ANK2: variants seen among roughly 807,000 people sequenced by gnomAD.
ANK2 encodes the protein ankyrin 2, also known as ankyrin-2.
A neutral mutation model predicts 360.5 loss-of-function variants in ANK2; 83 were observed. The ratio of observed to expected loss-of-function variants is 0.23; its 90% CI spans 0.19 to 0.28. The LOEUF is 0.28. Ranked by LOEUF, ANK2 falls within the 10% of genes least tolerant of loss-of-function variation. The pLI is 1.00. For missense variants in ANK2, 4,201 were observed against 4,795.7 expected, an observed-to-expected ratio of 0.88 and a Z score of 3.66; for synonymous variants, 1,740 against 1,759.5, an observed-to-expected ratio of 0.99 and a Z score of 0.28.
chr4:113,024,331 C>G (rs1260773300), intron 2 of ANK2, among the ~76,000 whole-genome samples: 1 of 152,008 alleles, frequency 6.6e-6, no homozygotes, highest in Non-Finnish European at 1.5e-5. Context: ...GGTGAGATAG[C>G]CTGTTATTGA....
chr4:112,946,070 G>C lies in ANK2; in HGVS notation c.21+41556G>C, dbSNP rs78971647. On this transcript the variant is annotated intron_variant, in intron 2 of 30. Transcript: ENST00000503271. ...ATGCTCATAATCTTAGTAGAACAAA[G>C]AAGTTGTTTTTAAATTAGTGATTTT... is the stretch of plus-strand genomic sequence containing the variant. 2.2e-3 allele frequency among the ~76,000 whole-genome samples: 330 copies of C among 152,324 alleles called. 4 individuals are homozygous for C. The highest frequency in any genetic ancestry group is 6.7e-3 in the African/African-American group (280 of 41,562).
At chr4:113,291,472 T>A (rs1408702521) in intron 20 of ANK2, among the ~76,000 whole-genome samples, 2 of 152,202 alleles carry the variant, frequency 1.3e-5, no homozygotes, top group Non-Finnish European at 2.9e-5. Flanking sequence ...GACACTTAGG[T>A]AACCCTGATA....
chr4:112,998,090 T>C (rs578058444), intron 2 of ANK2, among the ~76,000 whole-genome samples: 5 of 152,186 alleles, frequency 3.3e-5, no homozygotes, highest in Admixed American at 1.3e-4. Flanking sequence ...ACTAGAATTA[T>C]AAAAAGTCCA....
At chr4:113,293,023 T>C (rs751952398) in intron 21 of ANK2, 38 of 362,958 alleles carry the variant, frequency 1.0e-4, no homozygotes, top group Non-Finnish European at 1.9e-4. Context: ...TAGCTAAATA[T>C]GTTACCGTGT....
chr4:113,024,873 T>A (rs1480164242), intron 2 of ANK2, among the ~76,000 whole-genome samples: 1 of 152,138 alleles, frequency 6.6e-6, no homozygotes, highest in Non-Finnish European at 1.5e-5. Flanking sequence ...ATCTTTCCCA[T>A]AAAAAATTTT....
At chr4:113,367,977 C>T (rs2096595396) in intron 42 of ANK2, 126 bp downstream of exon 42, 1 of 1,172,564 alleles carries the variant, frequency 8.5e-7, no homozygotes, top group Non-Finnish European at 1.2e-6. Context: ...ACACAAGTGC[C>T]AGAGCTAAAG....
the ANK2 span, among the ~76,000 whole-genome samples, chr4:112,779,645 T>C: frequency 6.6e-6 from 1 of 152,224 alleles, no homozygotes; most frequent in Non-Finnish European, 1.5e-5. Context: ...TCCTCAGATA[T>C]TATCACTGGA....
intron 1 of ANK2, among the ~76,000 whole-genome samples, chr4:113,114,972 C>T (rs1032612282): frequency 6.6e-6 from 1 of 152,128 alleles, no homozygotes; most frequent in African/African-American, 2.4e-5. Flanking sequence ...GTAAGACTTG[C>T]TTGTTGCGAA....
chr4:113,147,302 C>T (rs1338013537), intron 1 of ANK2, among the ~76,000 whole-genome samples: 2 of 152,206 alleles, frequency 1.3e-5, no homozygotes, highest in African/African-American at 4.8e-5. Context: ...TACCCACATC[C>T]ACCCAGGAGA....
chr4:112,843,348 A>C (rs2062579289), intron 1 of ANK2, among the ~76,000 whole-genome samples: 2 of 152,172 alleles, frequency 1.3e-5, no homozygotes, highest in African/African-American at 4.8e-5. Flanking sequence ...CCAAGTACCC[A>C]AAGCTCCATT....
intron 22 of ANK2, among the ~76,000 whole-genome samples, chr4:113,301,378 TAC>T (rs59844602): frequency 0.16 from 24,453 of 149,374 alleles, 2,070 homozygotes; most frequent in East Asian, 0.34. Flanking sequence ...GATGTTTTGA[TAC>T]ACACACACAC....
rs114596022 is a variant in ANK2 at position 113,363,118 on chromosome 4, T to C, written c.10757-220T>C. Among the ~76,000 whole-genome samples the C allele has an allele frequency of 7.9e-3, 1,205 of 152,294 alleles. 16 individuals are homozygous for C. The highest frequency in any genetic ancestry group is 0.027 in the African/African-American group (1,142 of 41,552). ...GCTGCCTCACACTTACTATTTTCAC[T>C]ATGCAGTGATAAATTCTATACCCAG... On this transcript the variant is annotated intron_variant, in intron 39 of 45. Coordinates refer to ENST00000357077, the MANE Select transcript of ANK2 (RefSeq NM_001148.6).
rs886059014 is a variant in ANK2, at chr4:113,353,947, G to C, written c.5329G>C (p.Val1777Leu). 144 of 1,613,962 alleles carry C rather than the reference G, an allele frequency of 8.9e-5. No homozygotes were observed. The highest frequency in any genetic ancestry group is 1.2e-4 in the Non-Finnish European group (143 of 1,179,970). The part of the protein sequence containing the change: ...KDKVKALQKR[V>L]EDEQKGRSKL... ...CAAAGTAAAGGCCCTTCAGAAGCGA[G>C]TGGAAGATGAACAGAAAGGTCGAAG... The change falls in exon 38 of 46, where the codon GTG (valine) becomes CTG (leucine). Residue 1777 changes from valine to leucine, a missense_variant. Val to Leu is a conservative substitution (Grantham distance 32). Transcript: ENST00000357077.
intron 2 of ANK2, among the ~76,000 whole-genome samples, chr4:113,038,343 C>T (rs2062070345): frequency 1.3e-5 from 2 of 151,792 alleles, no homozygotes; most frequent in Non-Finnish European, 2.9e-5. Context: ...GCGTTTGACC[C>T]AGTAATATGT....
At chr4:112,944,974 C>G (rs1234916546) in intron 2 of ANK2, among the ~76,000 whole-genome samples, 1 of 152,214 alleles carries the variant, frequency 6.6e-6, no homozygotes, top group African/African-American at 2.4e-5. Flanking sequence ...TGAGTTATTA[C>G]AAAATATTTA....
At chr4:113,260,400 T>G (rs999383637) in intron 13 of ANK2, among the ~76,000 whole-genome samples, 3 of 152,220 alleles carry the variant, frequency 2.0e-5, no homozygotes, top group African/African-American at 7.2e-5. Flanking sequence ...TGTTGGTCAT[T>G]TAAAGTTCTT....
At chr4:113,114,556 C>T (rs1371503015) in intron 1 of ANK2, among the ~76,000 whole-genome samples, 1 of 84,954 alleles carries the variant, frequency 1.2e-5, no homozygotes. Context: ...TGTTAACCAT[C>T]CCTAAATTTT....
chr4:113,293,246 T>C (rs2068809645), intron 21 of ANK2, 194 bp from the exon 22 acceptor site: 3 of 693,484 alleles, frequency 4.3e-6, no homozygotes, highest in Non-Finnish European at 5.3e-6. Flanking sequence ...TGTGTTACCA[T>C]GGTGACCTGG....
chr4:113,237,459 G>A, intron 6 of ANK2, 140 bp from the exon 7 acceptor site: 1 of 873,514 alleles, frequency 1.1e-6, no homozygotes, highest in South Asian at 1.3e-5. Context: ...ATTGTGTGGT[G>A]CTTGGGGATG....
Sources: gnomAD v4.1 joint callset for allele counts (sites outside exome capture counted in the v4.1 genomes callset) on GRCh38, gnomAD v4.1.1 for gene constraint, MANE v1.5 for transcripts, NCBI Gene and HGNC (gene_info 2026-07-23, HGNC 2026-07-21) for gene names.